The following INVS variants were observed in gnomAD, a reference collection of about 807,000 sequenced individuals.
INVS encodes the protein inversin, also known as inversion of embryo turning homolog.
INVS carries 86 observed loss-of-function variants against 108.8 expected under a neutral mutation model. The observed-to-expected ratio is 0.79, with a 90% CI of 0.66 to 0.95. The LOEUF is 0.95. INVS is among the 40% of genes least tolerant of loss of function. The probability of loss-of-function intolerance (pLI) is 0.00; values close to 1 mark genes in which losing one functional copy is unlikely to be tolerated. For missense variants in INVS, 1,169 were observed against 1,297.4 expected (o/e 0.90, Z 1.52); for synonymous variants, 455 against 473.5 (o/e 0.96, Z 0.51).
In INVS at chr9:100,100,732, T is replaced by A. The variant is rs1200355891; in HGVS notation, c.-25+1316T>A. 1.5e-3 allele frequency among the ~76,000 whole-genome samples: 41 copies of A among 27,144 alleles called. 5 individuals carry two copies. Among genetic ancestry groups the A allele is most frequent in the Non-Finnish European group, 1.5e-3 (27 of 18,040 alleles). 17.8% of individuals were successfully genotyped at this position (27,144 alleles called of 152,430 possible). ...ATATATATATTATATGTACATATAA[T>A]ATATATATTATATGTACATATAATA... On this transcript the variant is annotated intron_variant, in intron 1 of 16. Transcript: ENST00000262457.
At chr9:100,113,594 T>G (rs769758680) in intron 2 of INVS, among the ~76,000 whole-genome samples, 2 of 151,658 alleles carry the variant, frequency 1.3e-5, no homozygotes, top group Non-Finnish European at 3.0e-5. Context: ...TTGTTTGTTT[T>G]AGTTTTAATT....
intron 14 of INVS, among the ~76,000 whole-genome samples, chr9:100,295,781 G>C (rs1366945340): frequency 1.3e-5 from 2 of 152,210 alleles, no homozygotes; most frequent in African/African-American, 4.8e-5. Context: ...CCCACTGAGG[G>C]CTGACACCAT....
At chr9:100,127,203 A>T (rs1827914592) in intron 3 of INVS, among the ~76,000 whole-genome samples, 1 of 151,960 alleles carries the variant, frequency 6.6e-6, no homozygotes, top group African/African-American at 2.4e-5. Flanking sequence ...CTCTAAATTA[A>T]TTAATTAATT....
rs201043963 is a variant in INVS at position 100,246,726 on chromosome 9, A to C, written c.1017A>C (p.Arg339Ser). 7 of 1,614,092 alleles carry C rather than the reference A, an allele frequency of 4.3e-6. No individual in the cohort carries two copies. The African/African-American group carries it at 8.0e-5, about 18-fold the overall frequency. ...GCAAAGGCAGTGATGATGTCCTTAG[A>C]ACTATGCTGAGCTTAAAATCGGACA... ...AAGKGSDDVL[R>S]TMLSLKSDID... Residue 339 changes from arginine to serine, a missense_variant, in exon 8 of 17, where the codon AGA becomes AGC. By Grantham distance (110) the Arg-to-Ser change is moderately radical (BLOSUM62 -1). Coordinates refer to ENST00000262457, the MANE Select transcript of INVS (RefSeq NM_014425.5).
chr9:100,100,661 ATATTATATATGT>A (rs1564111274), intron 1 of INVS, among the ~76,000 whole-genome samples: 11 of 48,206 alleles, frequency 2.3e-4, no homozygotes, highest in African/African-American at 1.4e-3. Flanking sequence ...TATAATATAT[ATATTATATATGT>A]ACATATAATA....
At chr9:100,210,852 T>C (rs1213684470) in intron 3 of INVS, among the ~76,000 whole-genome samples, 1 of 152,044 alleles carries the variant, frequency 6.6e-6, no homozygotes, top group Admixed American at 6.6e-5. Context: ...TAAGAAATAT[T>C]AATTCCAAAG....
At chr9:100,231,671 A>G (rs1333637692) in intron 5 of INVS, among the ~76,000 whole-genome samples, 1 of 152,150 alleles carries the variant, frequency 6.6e-6, no homozygotes, top group Non-Finnish European at 1.5e-5. Context: ...TCTCCCTGCA[A>G]AGAACATGAA....
intron 3 of INVS, among the ~76,000 whole-genome samples, chr9:100,162,524 G>T (rs1357583437): frequency 6.6e-6 from 1 of 152,156 alleles, no homozygotes; most frequent in African/African-American, 2.4e-5. Flanking sequence ...ACAATATCTA[G>T]AAGCAGAAAA....
intron 10 of INVS, among the ~76,000 whole-genome samples, chr9:100,259,161 G>C (rs766813051): frequency 6.6e-6 from 1 of 152,148 alleles, no homozygotes; most frequent in East Asian, 1.9e-4. Flanking sequence ...CTTGCAGTTC[G>C]ATCTCAGACT....
intron 3 of INVS, among the ~76,000 whole-genome samples, chr9:100,141,734 G>C (rs567574912): frequency 8.5e-5 from 13 of 152,186 alleles, no homozygotes; most frequent in Non-Finnish European, 1.6e-4. Context: ...CAATCCCTGA[G>C]GGGTAGTAGA....
At chr9:100,131,767 AAC>A in intron 3 of INVS, 1 of 249,944 alleles carries the variant, frequency 4.0e-6, no homozygotes, top group Middle Eastern at 2.1e-3. Context: ...TATCACAGTA[AAC>A]ACAAAAATTA....
intron 2 of INVS, among the ~76,000 whole-genome samples, chr9:100,122,568 G>C (rs1029275412): frequency 1.5e-4 from 19 of 128,446 alleles, no homozygotes; most frequent in Non-Finnish European, 2.9e-4. Context: ...TGTATTTTAA[G>C]TGAGTTTCTT....
At chr9:100,175,967 A>C (rs1445236416) in intron 3 of INVS, 4 of 562,954 alleles carry the variant, frequency 7.1e-6, no homozygotes, top group Non-Finnish European at 1.4e-5. Flanking sequence ...CTACAATGGA[A>C]TACAGCAGAC....
chr9:100,162,415 C>G (rs1829219909), intron 3 of INVS, among the ~76,000 whole-genome samples: 1 of 152,144 alleles, frequency 6.6e-6, no homozygotes, highest in Admixed American at 6.6e-5. Flanking sequence ...AATCTTTATT[C>G]TCCGCTGTAA....
chr9:100,150,145 CT>C (rs1176808121), intron 3 of INVS, among the ~76,000 whole-genome samples: 2 of 152,172 alleles, frequency 1.3e-5, no homozygotes, highest in African/African-American at 2.4e-5. Flanking sequence ...AAGCTTCTTT[CT>C]TTAAATACAC....
At chr9:100,134,027 G>C (rs1020535529) in intron 3 of INVS, among the ~76,000 whole-genome samples, 3 of 152,052 alleles carry the variant, frequency 2.0e-5, no homozygotes, top group African/African-American at 7.2e-5. Flanking sequence ...GTGAGAACCT[G>C]GTACACCCAT....
At chr9:100,229,893 T>A (rs568396405) in intron 5 of INVS, 66 bp downstream of exon 5, 1 of 1,458,808 alleles carries the variant, frequency 6.9e-7, no homozygotes, top group South Asian at 1.2e-5. Context: ...TTATTTAATA[T>A]ATACAAAAGT....
At chr9:100,220,566 T>C (rs979781624) in intron 3 of INVS, among the ~76,000 whole-genome samples, 2 of 152,216 alleles carry the variant, frequency 1.3e-5, no homozygotes, top group Non-Finnish European at 2.9e-5. Context: ...CTTAAGTATA[T>C]ATCCTCTTTT....
At chr9:100,260,536 C>T (rs944204996) in intron 10 of INVS, among the ~76,000 whole-genome samples, 34 of 152,200 alleles carry the variant, frequency 2.2e-4, no homozygotes, top group African/African-American at 3.6e-4. Context: ...AAATTGTCAC[C>T]GTTTTCTCAT....
Sources: gnomAD v4.1 joint callset for allele counts (sites outside exome capture counted in the v4.1 genomes callset) on GRCh38, gnomAD v4.1.1 for gene constraint, MANE v1.5 for transcripts, NCBI Gene and HGNC (gene_info 2026-07-23, HGNC 2026-07-21) for gene names.